Variants in PER2 observed in about 807,000 individuals in gnomAD.
The protein encoded by PER2 is period circadian regulator 2.
PER2 carries 66 observed loss-of-function variants against 121.0 expected under a neutral mutation model. The ratio of observed to expected loss-of-function variants is 0.55; its 90% CI spans 0.45 to 0.67. The LOEUF (loss-of-function observed/expected upper bound fraction) is 0.67, where lower values mean the gene tolerates loss of function less well. Ranked by LOEUF, PER2 falls within the 30% of genes least tolerant of loss-of-function variation. PER2 has a pLI of 0.00. For missense variants in PER2, 1,521 were observed against 1,635.0 expected, an observed-to-expected ratio of 0.93 and a Z score of 1.20; for synonymous variants, 684 against 659.9, an observed-to-expected ratio of 1.04 and a Z score of -0.56.
intron 6 of PER2, among the ~76,000 whole-genome samples, chr2:238,270,819 C>G (rs1160905499): frequency 6.6e-6 from 1 of 152,242 alleles, no homozygotes; most frequent in Non-Finnish European, 1.5e-5. Flanking sequence ...TGCAGTGCCT[C>G]GGGGGCCAGC....
intron 21 of PER2, 37 bp from the exon 22 acceptor site, chr2:238,249,249 T>C: frequency 1.3e-6 from 2 of 1,584,856 alleles, no homozygotes; most frequent in East Asian, 2.2e-5. Context: ...AGCTTTCAAA[T>C]GTCTTAAGGG....
chr2:238,259,898 C>T, intron 14 of PER2, 71 bp downstream of exon 14: 1 of 758,754 alleles, frequency 1.3e-6, no homozygotes, highest in Non-Finnish European at 2.3e-6. Context: ...CAGCATTTAA[C>T]CCAGGTTCCC....
chr2:238,251,485 C>T, intron 20 of PER2, 114 bp downstream of exon 20: 1 of 941,920 alleles, frequency 1.1e-6, no homozygotes, highest in East Asian at 2.4e-5. Context: ...CTGACAGCTG[C>T]TTGGGGAGTG....
chr2:238,253,277 C>T lies in PER2; in HGVS notation c.2746G>A (p.Gly916Arg). 6.2e-7 allele frequency: 1 copy of T among 1,611,422 alleles called. No individual in the cohort carries two copies. Among genetic ancestry groups the T allele is most frequent in the Non-Finnish European group, 8.5e-7 (1 of 1,178,394 alleles). ...AAGGCCTGGGGCAGGTTTGGGGTCC[C>T]CGAGGGGAAGGAATAACTGGGTAGC... is the stretch of plus-strand genomic sequence containing the variant. Reference protein sequence around the residue: ...FMLPSYSFPSGTPNLPQAFFP... With the variant: ...FMLPSYSFPSRTPNLPQAFFP... Residue 916 changes from glycine to arginine, a missense_variant, in exon 19 of 23, where the codon GGG (glycine) becomes AGG (arginine). By Grantham distance (125) the Gly-to-Arg change is moderately radical. Coordinates refer to ENST00000254657, the MANE Select transcript of PER2 (RefSeq NM_022817.3). This position sits in a 1 kb window ranked among gnomAD's most constrained non-coding sequence, Gnocchi z 5.6.
rs1695520083 is a variant in PER2 at position 238,248,898 on chromosome 2, ACC to A, written c.3618+162_3618+163del. ...TCTCGATCTCCTGACCTCGTGATCC[ACC>A]CGCTTCGGCCTCCCAAAGTGCTGGG... is the stretch of plus-strand genomic sequence containing the variant. On this transcript the variant is annotated intron_variant, in intron 22 of 22. Transcript: ENST00000254657. 5 of 750,972 alleles carry A rather than the reference ACC, an allele frequency of 6.7e-6. No homozygotes were observed. In the East Asian group the frequency reaches 1.3e-4, roughly 20 times the overall value. The allele number at this position is 750,972 out of a possible 1,614,324, so 46.5% of individuals were successfully genotyped here. A position where few individuals can be genotyped will look rare whatever the true frequency, so the allele number is the denominator to read the frequency against.
At chr2:238,287,816 G>A (rs1490205978) in intron 1 of PER2, among the ~76,000 whole-genome samples, 4 of 152,166 alleles carry the variant, frequency 2.6e-5, no homozygotes, top group Non-Finnish European at 5.9e-5. Context: ...CCCTTACCCT[G>A]GCCTTCCTGA....
At chr2:238,272,252 C>G (rs955180515) in intron 5 of PER2, among the ~76,000 whole-genome samples, 1 of 152,234 alleles carries the variant, frequency 6.6e-6, no homozygotes. Context: ...CCACTCACCC[C>G]GCTGTCTTGG....
upstream of PER2, among the ~76,000 whole-genome samples, chr2:238,293,878 A>G (rs192125863): frequency 2.6e-5 from 4 of 152,024 alleles, no homozygotes; most frequent in East Asian, 5.8e-4. Context: ...TTGCAGGTCA[A>G]CTCTCTGCCT....
chr2:238,256,866 T>C (rs1387123694), intron 17 of PER2, 56 bp downstream of exon 17: 2 of 1,564,894 alleles, frequency 1.3e-6, no homozygotes, highest in Non-Finnish European at 1.8e-6. Context: ...GGCAAACTTC[T>C]TGTTTTCATG....
intron 1 of PER2, among the ~76,000 whole-genome samples, chr2:238,286,688 A>T (rs1469354694): frequency 1.3e-5 from 2 of 152,232 alleles, no homozygotes; most frequent in African/African-American, 2.4e-5. Flanking sequence ...AAGCACACCC[A>T]GAGCCTGTCT....
At chr2:238,248,479 G>A (rs549899548) in intron 22 of PER2, among the ~76,000 whole-genome samples, 1 of 151,116 alleles carries the variant, frequency 6.6e-6, no homozygotes, top group African/African-American at 2.4e-5. Flanking sequence ...ACAGGAGAGG[G>A]TTTTTTTTTG....
Position 238,258,322 on chromosome 2 carries a change from G to C in PER2, c.1854C>G (p.Ser618=). 4 of 1,614,204 alleles carry C rather than the reference G, an allele frequency of 2.5e-6. No homozygotes were observed. Among genetic ancestry groups the C allele is most frequent in the Admixed American group, 3.3e-5 (2 of 60,026 alleles). The change falls in exon 16 of 23, where the codon TCC becomes TCG. Residue 618 remains serine (S), a synonymous_variant. Transcript: ENST00000254657. ...EFPANVPALR[S]SDKRKATVSP... is the part of the protein sequence containing the mutation. ...TGACTGTGGCCTTCCGCTTATCACT[G>C]GACCTTAGCGCTGGGACGTTTGCTG...
chr2:238,273,781 C>T (rs753808810), intron 4 of PER2, among the ~76,000 whole-genome samples: 14 of 152,196 alleles, frequency 9.2e-5, no homozygotes, highest in Non-Finnish European at 1.6e-4. Context: ...AATTCTCCTG[C>T]CTCAGCCTTC....
chr2:238,285,658 C>T (rs1009622685), intron 1 of PER2, among the ~76,000 whole-genome samples: 1 of 152,194 alleles, frequency 6.6e-6, no homozygotes, highest in African/African-American at 2.4e-5. Flanking sequence ...CCACAAACAA[C>T]ATGCCATGTC....
intron 22 of PER2, among the ~76,000 whole-genome samples, chr2:238,248,170 A>G (rs1044505553): frequency 6.6e-6 from 1 of 152,222 alleles, no homozygotes; most frequent in Non-Finnish European, 1.5e-5. Context: ...GACAGCCTGA[A>G]GAGCACAGGG....
chr2:238,276,351 G>A (rs1390286477), intron 3 of PER2, among the ~76,000 whole-genome samples: 1 of 152,268 alleles, frequency 6.6e-6, no homozygotes, highest in Non-Finnish European at 1.5e-5. Flanking sequence ...CTGGTCAAGA[G>A]TCACCGCTCT....
intron 1 of PER2, among the ~76,000 whole-genome samples, chr2:238,284,804 C>G (rs1330930404): frequency 6.6e-6 from 1 of 152,190 alleles, no homozygotes; most frequent in Non-Finnish European, 1.5e-5. Flanking sequence ...AATGTGAAAG[C>G]CAAATTATCA....
chr2:238,297,812 C>A, the PER2 span, among the ~76,000 whole-genome samples: 1 of 152,198 alleles, frequency 6.6e-6, no homozygotes, highest in Non-Finnish European at 1.5e-5. Flanking sequence ...AATACCCTTA[C>A]CCTTTGCCCT....
chr2:238,286,475 A>G (rs897357648), intron 1 of PER2, among the ~76,000 whole-genome samples: 1 of 151,986 alleles, frequency 6.6e-6, no homozygotes, highest in Non-Finnish European at 1.5e-5. Flanking sequence ...CGATGAGCAT[A>G]ATGAGTTGAA....
Sources: gnomAD v4.1 joint callset for allele counts (sites outside exome capture counted in the v4.1 genomes callset) on GRCh38, gnomAD v4.1.1 for gene constraint, Gnocchi (gnomAD v3.1) non-coding constraint, MANE v1.5 for transcripts, NCBI Gene and HGNC (gene_info 2026-07-23, HGNC 2026-07-21) for gene names.